PKP2: variants seen among roughly 807,000 people sequenced by gnomAD.
PKP2 encodes plakophilin-2.
PKP2 carries 73 observed loss-of-function variants against 83.4 expected under a neutral mutation model. That is an observed-to-expected ratio of 0.88 (90% confidence interval 0.72 to 1.06). The LOEUF (loss-of-function observed/expected upper bound fraction) is 1.06. Ranked by LOEUF, PKP2 falls within the 50% of genes least tolerant of loss-of-function variation. The pLI, the probability that PKP2 is intolerant of heterozygous loss-of-function variation, is 0.00. For missense variants in PKP2, 966 were observed against 1,065.4 expected (o/e 0.91, Z 1.30); for synonymous variants, 409 against 430.4 (o/e 0.95, Z 0.62).
At chr12:32,808,381 G>A (rs1344605891) in intron 9 of PKP2, among the ~76,000 whole-genome samples, 1 of 152,152 alleles carries the variant, frequency 6.6e-6, no homozygotes, top group Non-Finnish European at 1.5e-5. Context: ...CATCAAGTCA[G>A]TTATGTTCCT....
intron 8 of PKP2, 178 bp from the exon 9 acceptor site, chr12:32,821,707 C>G (rs914658920): frequency 9.8e-6 from 6 of 610,830 alleles, no homozygotes; most frequent in Admixed American, 5.8e-5. Context: ...AACTTTTAGC[C>G]CATAATGATT....
chr12:32,798,316 C>T (rs1400130832), intron 10 of PKP2, among the ~76,000 whole-genome samples: 2 of 151,782 alleles, frequency 1.3e-5, no homozygotes, highest in East Asian at 3.9e-4. Flanking sequence ...GTCTCGAACT[C>T]CTGACCTCAG....
intron 4 of PKP2, among the ~76,000 whole-genome samples, chr12:32,856,591 T>TG (rs1565592118): frequency 3.3e-5 from 5 of 151,654 alleles, no homozygotes; most frequent in Admixed American, 6.6e-5. Context: ...CATCACACAC[T>TG]GGGGCCTGTC....
chr12:32,864,692 A>C (rs937002724), intron 4 of PKP2, among the ~76,000 whole-genome samples: 2 of 152,206 alleles, frequency 1.3e-5, no homozygotes, highest in African/African-American at 2.4e-5. Flanking sequence ...TAAACTTCAA[A>C]TGGAACTGCT....
At chr12:32,822,402 T>G in intron 8 of PKP2, 65 bp downstream of exon 8, 3 of 1,370,132 alleles carry the variant, frequency 2.2e-6, no homozygotes, top group Non-Finnish European at 3.1e-6. Context: ...CATACACATA[T>G]ACACAAACAC....
chr12:32,845,203 T>C (rs543932744), intron 5 of PKP2, among the ~76,000 whole-genome samples: 12 of 152,324 alleles, frequency 7.9e-5, no homozygotes, highest in African/African-American at 2.9e-4. Flanking sequence ...CCGTGATGTT[T>C]GTAAAAAATA....
At chr12:32,836,005 T>A (rs1338301138) in intron 6 of PKP2, among the ~76,000 whole-genome samples, 1 of 152,238 alleles carries the variant, frequency 6.6e-6, no homozygotes, top group East Asian at 1.9e-4. Flanking sequence ...ACCAACATGA[T>A]GTCACTGAAC....
chr12:32,864,979 G>A (rs1003004933), intron 4 of PKP2, among the ~76,000 whole-genome samples: 4 of 152,136 alleles, frequency 2.6e-5, no homozygotes, highest in African/African-American at 4.8e-5. Flanking sequence ...GCACTAGGAC[G>A]TAAGAATGTT....
chr12:32,878,731 A>G (rs1956959026), intron 2 of PKP2, among the ~76,000 whole-genome samples, 188 bp from the exon 3 acceptor site: 1 of 152,184 alleles, frequency 6.6e-6, no homozygotes, highest in South Asian at 2.1e-4. Context: ...ATTTATTTGC[A>G]CTAGGATGTA....
intron 4 of PKP2, among the ~76,000 whole-genome samples, chr12:32,862,548 C>T (rs968642197): frequency 6.8e-6 from 1 of 147,522 alleles, no homozygotes; most frequent in African/African-American, 2.5e-5. Context: ...GGGAGGCTGA[C>T]GCAGGAGAAT....
At chr12:32,896,478 G>A in intron 1 of PKP2, 31 bp downstream of exon 1, 2 of 1,437,872 alleles carry the variant, frequency 1.4e-6, no homozygotes, top group Middle Eastern at 2.4e-4. Context: ...GGGGCAGGGG[G>A]CGGCGCCGGG....
At chr12:32,882,236 T>C (rs1205995489) in intron 1 of PKP2, among the ~76,000 whole-genome samples, 1 of 152,180 alleles carries the variant, frequency 6.6e-6, no homozygotes, top group Non-Finnish European at 1.5e-5. Context: ...ATTAGGAAAG[T>C]CAGGGACAAT....
chr12:32,813,721 G>A (rs989598677), intron 9 of PKP2, among the ~76,000 whole-genome samples: 1 of 151,516 alleles, frequency 6.6e-6, no homozygotes, highest in Non-Finnish European at 1.5e-5. Context: ...GGTCAAGGCT[G>A]CAGTGAGCCA....
At chr12:32,896,421 T>A in intron 1 of PKP2, 88 bp downstream of exon 1, 1 of 1,050,696 alleles carries the variant, frequency 9.5e-7, no homozygotes, top group South Asian at 1.8e-5. Flanking sequence ...GGTCCCGCAC[T>A]CCCAGCACGC....
chr12:32,822,404 C>T, intron 8 of PKP2, 63 bp downstream of exon 8: 1 of 1,399,234 alleles, frequency 7.1e-7, no homozygotes, highest in East Asian at 2.3e-5. Flanking sequence ...TACACATATA[C>T]ACAAACACAC....
intron 4 of PKP2, among the ~76,000 whole-genome samples, chr12:32,851,273 T>G (rs769383996): frequency 6.6e-6 from 1 of 152,152 alleles, no homozygotes; most frequent in Non-Finnish European, 1.5e-5. Context: ...TGATAAAAGC[T>G]TGGAGCATAA....
chr12:32,835,492 GAAA>G (rs943390549), intron 6 of PKP2, among the ~76,000 whole-genome samples: 1 of 146,816 alleles, frequency 6.8e-6, no homozygotes, highest in South Asian at 2.1e-4. Flanking sequence ...AGGAGGCTGT[GAAA>G]AAAAAAGATA....
intron 4 of PKP2, among the ~76,000 whole-genome samples, chr12:32,855,403 G>A (rs1271056557): frequency 6.6e-6 from 1 of 152,126 alleles, no homozygotes; most frequent in Non-Finnish European, 1.5e-5. Context: ...ACACAAGGTA[G>A]CAACTACCAT....
intron 4 of PKP2, among the ~76,000 whole-genome samples, chr12:32,865,778 C>T (rs1368290301): frequency 6.6e-6 from 1 of 151,020 alleles, no homozygotes; most frequent in African/African-American, 2.4e-5. Context: ...GATACAAAGA[C>T]AATTTAGCAG....
Sources: gnomAD v4.1 joint callset for allele counts (sites outside exome capture counted in the v4.1 genomes callset) on GRCh38, gnomAD v4.1.1 for gene constraint, MANE v1.5 for transcripts, NCBI Gene and HGNC (gene_info 2026-07-23, HGNC 2026-07-21) for gene names.